The following CCDC150 variants were observed in gnomAD, a reference collection of about 807,000 sequenced individuals.
CCDC150 encodes the protein coiled-coil domain-containing protein 150.
CCDC150 carries 151 observed loss-of-function variants against 156.5 expected under a neutral mutation model. The observed-to-expected ratio is 0.97, with a 90% CI of 0.85 to 1.10. The LOEUF is 1.10. Among genes scored for constraint, CCDC150 ranks in the 50% least tolerant of loss-of-function variants. The pLI is 0.00. For synonymous variants in CCDC150, 452 were observed against 429.4 expected (o/e 1.05, Z -0.65); for missense variants, 1,312 against 1,268.1 (o/e 1.03, Z -0.53).
At chr2:196,668,371 G>C (rs1163563506) in intron 7 of CCDC150, among the ~76,000 whole-genome samples, 1 of 149,032 alleles carries the variant, frequency 6.7e-6, no homozygotes, top group South Asian at 2.1e-4. Flanking sequence ...ACAGCAAGTA[G>C]AATAGCTGGG....
intron 2 of CCDC150, among the ~76,000 whole-genome samples, chr2:196,650,856 A>G (rs896794733): frequency 6.6e-6 from 1 of 152,230 alleles, no homozygotes; most frequent in African/African-American, 2.4e-5. Flanking sequence ...TTTGAAAAGA[A>G]TGGGTATTCT....
chr2:196,726,254 A>G, intron 22 of CCDC150, 155 bp downstream of exon 22: 6 of 781,598 alleles, frequency 7.7e-6, no homozygotes, highest in Non-Finnish European at 9.7e-6. Context: ...AAAGCAACAC[A>G]CAAGAAAAAA....
Position 196,718,528 on chromosome 2 carries a change from A to C in CCDC150, c.1892A>C (p.Lys631Thr). 6 of 1,612,372 alleles carry C rather than the reference A, an allele frequency of 3.7e-6. No homozygotes were observed. Among genetic ancestry groups the C allele is most frequent in the Non-Finnish European group, 5.1e-6 (6 of 1,178,984 alleles). The change falls in exon 18 of 28, where the codon AAA (lysine) becomes ACA (threonine). Residue 631 changes from lysine (K) to threonine (T), a missense_variant. Lys to Thr is a moderately conservative substitution (Grantham distance 78). Coordinates refer to ENST00000389175, the MANE Select transcript of CCDC150 (RefSeq NM_001080539.2). ...GTGAAATCTATTCTTGAAAGAAGTA[A>C]AGAGGAGCTGTCCCGAACAGTGAAG... ...KEVKSILERS[K>T]EELSRTVKCR...
intron 15 of CCDC150, among the ~76,000 whole-genome samples, chr2:196,708,281 G>T (rs1230753674): frequency 6.6e-6 from 1 of 152,006 alleles, no homozygotes; most frequent in Admixed American, 6.6e-5. Context: ...TGTCTCTTTT[G>T]ATCTTTGTTG....
intron 2 of CCDC150, among the ~76,000 whole-genome samples, chr2:196,651,214 A>C (rs555271586): frequency 1.3e-5 from 2 of 152,278 alleles, no homozygotes; most frequent in South Asian, 2.1e-4. Flanking sequence ...TAATGTGATA[A>C]ATTACATGTT....
intron 26 of CCDC150, among the ~76,000 whole-genome samples, chr2:196,731,331 T>A (rs1287990781): frequency 1.3e-5 from 2 of 151,838 alleles, no homozygotes; most frequent in Non-Finnish European, 2.9e-5. Context: ...TAACTAATTG[T>A]GAATTTTCTT....
rs199894415 is a variant in CCDC150, at chr2:196,719,652, C to T, written c.2151C>T (p.Gly717=). The T allele has an allele frequency of 3.7e-6, 6 of 1,607,542 alleles. No individual in the cohort carries two copies. In the Admixed American group the frequency reaches 5.1e-5, roughly 14 times the overall value. Residue 717 remains glycine, a synonymous_variant, in exon 19 of 28, where the codon GGC becomes GGT. Transcript: ENST00000389175. Reference sequence around the variant, plus strand: ...GGCGGAGGGATTCAGAGATTGCAGGCCTCAAGAAAGAAAGGTACCTGTGGT... The same window carrying T: ...GGCGGAGGGATTCAGAGATTGCAGGTCTCAAGAAAGAAAGGTACCTGTGGT... ...ELGRRDSEIA[G]LKKERDLNQQ... is the part of the protein sequence containing the mutation.
At chr2:196,650,769 G>T (rs2125575235) in intron 2 of CCDC150, among the ~76,000 whole-genome samples, 1 of 152,250 alleles carries the variant, frequency 6.6e-6, no homozygotes, top group Non-Finnish European at 1.5e-5. Flanking sequence ...TAGTGTGTTT[G>T]TCTGCCTTTA....
intron 17 of CCDC150, among the ~76,000 whole-genome samples, chr2:196,715,846 A>G (rs1318691424): frequency 6.6e-6 from 1 of 152,206 alleles, no homozygotes; most frequent in African/African-American, 2.4e-5. Context: ...CCATAAAGGG[A>G]CAAAAATGAT....
chr2:196,730,725 T>C (rs769205662), intron 25 of CCDC150, 134 bp from the exon 26 acceptor site: 3 of 648,426 alleles, frequency 4.6e-6, no homozygotes, highest in Non-Finnish European at 8.2e-6. Context: ...TTATCTCATA[T>C]GTCAGTAGCA....
Position 196,665,678 on chromosome 2 carries a change from A to C in CCDC150, c.757A>C (p.Lys253Gln), listed in dbSNP as rs568066863. Residue 253 changes from lysine (K) to glutamine (Q), a missense_variant, in exon 6 of 28, where the codon AAA (lysine) becomes CAA (glutamine). Coordinates refer to ENST00000389175, the MANE Select transcript of CCDC150 (RefSeq NM_001080539.2). ...GGGATCAACAGTGGAGGTAGAACGA[A>C]AACAGGTAGAAAGATTTCTTCTCCT... is the stretch of plus-strand genomic sequence containing the variant. ...EMGSTVEVER[K>Q]QVHILQQNCI... The C allele has an allele frequency of 1.3e-6, 2 of 1,561,178 alleles. No homozygotes were observed. Among genetic ancestry groups the C allele is most frequent in the Admixed American group, 3.7e-5 (2 of 54,560 alleles).
At chr2:196,709,833 C>T (rs746773369) in intron 15 of CCDC150, among the ~76,000 whole-genome samples, 13 of 152,288 alleles carry the variant, frequency 8.5e-5, no homozygotes, top group South Asian at 2.1e-4. Context: ...GTATCACCAC[C>T]GGAGGCTGCA....
At chr2:196,703,336 G>A (rs1575890168) in intron 15 of CCDC150, among the ~76,000 whole-genome samples, 1 of 152,132 alleles carries the variant, frequency 6.6e-6, no homozygotes, top group East Asian at 1.9e-4. Context: ...TACATTACTA[G>A]AACAATAAAA....
intron 2 of CCDC150, among the ~76,000 whole-genome samples, chr2:196,652,256 C>T (rs551221476): frequency 6.6e-6 from 1 of 152,330 alleles, no homozygotes; most frequent in South Asian, 2.1e-4. Flanking sequence ...ATTCAGAAGT[C>T]CCAAGTCTCA....
At chr2:196,699,352 C>T (rs1056616002) in intron 14 of CCDC150, among the ~76,000 whole-genome samples, 16 of 152,004 alleles carry the variant, frequency 1.1e-4, no homozygotes, top group African/African-American at 3.6e-4. Flanking sequence ...GTTAATAATC[C>T]ACCAAAGCCT....
chr2:196,664,821 G>C (rs1175030469), intron 5 of CCDC150, among the ~76,000 whole-genome samples: 1 of 151,858 alleles, frequency 6.6e-6, no homozygotes, highest in Non-Finnish European at 1.5e-5. Flanking sequence ...ACTCTTATGA[G>C]GTGATTCCAA....
intron 5 of CCDC150, among the ~76,000 whole-genome samples, chr2:196,661,863 C>T (rs917059440): frequency 2.6e-5 from 4 of 151,950 alleles, no homozygotes; most frequent in Non-Finnish European, 4.4e-5. Context: ...TAAAAGTGGC[C>T]GTTCTTTAAA....
chr2:196,693,974 T>C (rs895784842), intron 13 of CCDC150, among the ~76,000 whole-genome samples: 1 of 152,192 alleles, frequency 6.6e-6, no homozygotes, highest in African/African-American at 2.4e-5. Flanking sequence ...TTTGCATTAC[T>C]GAGTTAAGCT....
rs1406934618 is a variant in CCDC150 at position 196,708,741 on chromosome 2, G to C, written c.1696-3404G>C. ...TCTCAGCATTTGCTTGTCTGTAAAG[G>C]TTTTTATTTCTCCTTCACTTATGAA... is the stretch of plus-strand genomic sequence containing the variant. On this transcript the variant is annotated intron_variant, in intron 15 of 27. Transcript: ENST00000389175. Among the ~76,000 whole-genome samples, 4 of 152,112 alleles carry C rather than the reference G, an allele frequency of 2.6e-5. No homozygotes were observed. The South Asian group carries it at 8.3e-4, about 32-fold the overall frequency.
Sources: gnomAD v4.1 joint callset for allele counts (sites outside exome capture counted in the v4.1 genomes callset) on GRCh38, gnomAD v4.1.1 for gene constraint, MANE v1.5 for transcripts, NCBI Gene and HGNC (gene_info 2026-07-23, HGNC 2026-07-21) for gene names.